The following AK3 variants were observed in gnomAD, a reference collection of about 807,000 sequenced individuals.
AK3 encodes GTP:AMP phosphotransferase AK3, mitochondrial.
In AK3, 27 loss-of-function variants were observed where a neutral mutation model predicts 23.7. The ratio of observed to expected loss-of-function variants is 1.14; its 90% CI spans 0.84 to 1.57. The LOEUF is 1.57. Ranked by LOEUF, AK3 falls within the 40% of genes most tolerant of loss-of-function variation. The probability of loss-of-function intolerance (pLI) is 0.00; values close to 1 mark genes in which losing one functional copy is unlikely to be tolerated. For missense variants in AK3, 406 were observed against 285.6 expected (o/e 1.42, Z -3.04); for synonymous variants, 159 against 116.0 (o/e 1.37, Z -2.38).
chr9:4,727,119 A>G (rs1422240709), intron 1 of AK3, among the ~76,000 whole-genome samples: 4 of 152,222 alleles, frequency 2.6e-5, no homozygotes, highest in Non-Finnish European at 4.4e-5. Flanking sequence ...TTCCATTTAC[A>G]GAGCACAGGC....
Position 4,711,584 on chromosome 9 carries a change from A to G in AK3, c.*1392T>C, listed in dbSNP as rs1413559819. 3.9e-5 allele frequency: 6 copies of G among 152,416 alleles called. No individual in the cohort carries two copies. The highest frequency in any genetic ancestry group is 8.8e-5 in the Non-Finnish European group (6 of 68,034). 9.4% of individuals were successfully genotyped at this position (152,416 alleles called of 1,614,324 possible). Reference sequence around the variant, plus strand: ...TTTAAGTACCTGGGAAAAAAACGGAACAGATTTTTAAAGGCAATAACGACT... The same window carrying G: ...TTTAAGTACCTGGGAAAAAAACGGAGCAGATTTTTAAAGGCAATAACGACT... On this transcript the variant is annotated 3_prime_UTR_variant, in exon 5 of 5. Coordinates refer to ENST00000381809, the MANE Select transcript of AK3 (RefSeq NM_016282.4).
chr9:4,719,792 G>A (rs117008697), intron 2 of AK3, among the ~76,000 whole-genome samples: 131 of 152,244 alleles, frequency 8.6e-4, no homozygotes, highest in Non-Finnish European at 1.4e-3. Flanking sequence ...CTGGCCGGGC[G>A]CAGTGGCTCA....
chr9:4,732,765 C>A (rs1180508460), intron 1 of AK3, among the ~76,000 whole-genome samples: 1 of 152,046 alleles, frequency 6.6e-6, no homozygotes, highest in Non-Finnish European at 1.5e-5. Context: ...CCAAATCAAC[C>A]ACACCTCATA....
intron 1 of AK3, among the ~76,000 whole-genome samples, chr9:4,726,884 C>T (rs1043966787): frequency 2.6e-5 from 4 of 151,992 alleles, no homozygotes; most frequent in Admixed American, 2.0e-4. Context: ...TGAAATTACT[C>T]CTTGATGCGT....
chr9:4,720,158 A>C (rs1231831960), intron 2 of AK3, among the ~76,000 whole-genome samples: 2 of 152,172 alleles, frequency 1.3e-5, no homozygotes, highest in African/African-American at 4.8e-5. Context: ...CAAAAGGATA[A>C]AACCCTAACA....
rs1841799762 is a variant in AK3 at position 4,718,522 on chromosome 9, T to G, written c.460A>C (p.Thr154Pro). Residue 154 changes from threonine to proline, a missense_variant, in exon 4 of 5, where the codon ACT becomes CCT. By Grantham distance (38) the Thr-to-Pro change is conservative. Transcript: ENST00000381809. ...PPKTVGIDDL[T>P]GEPLIQREDD... ...TCACGCTGAATGAGAGGCTCCCCAG[T>G]CAGGTCATCAATGCCCTAAACAGGA... The G allele has an allele frequency of 1.2e-6, 2 of 1,613,404 alleles. No homozygotes were observed. Among genetic ancestry groups the G allele is most frequent in the Non-Finnish European group, 1.7e-6 (2 of 1,179,460 alleles).
chr9:4,731,585 AAAG>A (rs1008296552), intron 1 of AK3, among the ~76,000 whole-genome samples: 1 of 151,738 alleles, frequency 6.6e-6, no homozygotes, highest in African/African-American at 2.4e-5. Context: ...AAAAAAAAAA[AAAG>A]ACTTAACTCC....
intron 1 of AK3, among the ~76,000 whole-genome samples, chr9:4,732,335 G>A (rs902312988): frequency 6.6e-6 from 1 of 152,124 alleles, no homozygotes; most frequent in African/African-American, 2.4e-5. Flanking sequence ...AAATATGTGT[G>A]AATCAATTGT....
chr9:4,725,438 T>G (rs1842001739), intron 1 of AK3, among the ~76,000 whole-genome samples: 1 of 152,130 alleles, frequency 6.6e-6, no homozygotes. Flanking sequence ...TTAGACTTCA[T>G]TAAAATTAAA....
intron 1 of AK3, among the ~76,000 whole-genome samples, chr9:4,728,676 A>G (rs990115761): frequency 6.6e-6 from 1 of 151,928 alleles, no homozygotes; most frequent in Admixed American, 6.6e-5. Context: ...TTTGTAAAAC[A>G]GTGTGGTAGT....
chr9:4,741,333 C>T (rs1456489368), upstream of AK3: 1 of 349,022 alleles, frequency 2.9e-6, no homozygotes. Context: ...CGCCTGTTCC[C>T]GCCCAGCCGC....
intron 2 of AK3, among the ~76,000 whole-genome samples, chr9:4,721,479 A>C (rs1354721712): frequency 6.7e-6 from 1 of 148,626 alleles, no homozygotes; most frequent in Non-Finnish European, 1.5e-5. Context: ...TTTTTTTCTG[A>C]GACAGAATCT....
rs1015156703 is a variant in AK3, at chr9:4,738,445, C to T, written c.151+2492G>A. Among the ~76,000 whole-genome samples, 4 of 152,142 alleles carry T rather than the reference C, an allele frequency of 2.6e-5. No individual in the cohort carries two copies. The South Asian group carries it at 6.2e-4, about 24-fold the overall frequency. On this transcript the variant is annotated intron_variant, in intron 1 of 4. Coordinates refer to ENST00000381809, the MANE Select transcript of AK3 (RefSeq NM_016282.4). ...CCTCCCAAAGTGCTAGGATTACAGG[C>T]GTGAGACACCCCGCCCAGCTTAAAC... is the stretch of plus-strand genomic sequence containing the variant.
intron 2 of AK3, among the ~76,000 whole-genome samples, chr9:4,720,544 G>C (rs1292196486): frequency 6.6e-6 from 1 of 151,928 alleles, no homozygotes; most frequent in African/African-American, 2.4e-5. Flanking sequence ...AACAAAATTA[G>C]CAGGGCGTGG....
chr9:4,713,165 C>A, intron 4 of AK3, 69 bp from the exon 5 acceptor site: 2 of 1,565,160 alleles, frequency 1.3e-6, no homozygotes, highest in Non-Finnish European at 1.7e-6. Flanking sequence ...CTTTCAAAGC[C>A]TTTCTGTAAA....
intron 4 of AK3, among the ~76,000 whole-genome samples, chr9:4,717,265 G>C (rs1841761523): frequency 6.6e-6 from 1 of 152,164 alleles, no homozygotes; most frequent in African/African-American, 2.4e-5. Context: ...ATAAATGAAA[G>C]GGGAGGCAGT....
chr9:4,715,520 C>T (rs573375531), intron 4 of AK3, among the ~76,000 whole-genome samples: 68 of 152,012 alleles, frequency 4.5e-4, no homozygotes, highest in African/African-American at 1.6e-3. Flanking sequence ...TCAGACTCCC[C>T]AGTAGCTGGG....
intron 1 of AK3, 81 bp downstream of exon 1, chr9:4,740,856 G>A (rs974130363): frequency 1.3e-4 from 177 of 1,353,934 alleles, no homozygotes; most frequent in Non-Finnish European, 1.6e-4. Flanking sequence ...CCAGGGACCC[G>A]CGTGCCCAGC....
At chr9:4,725,963 G>C (rs143710046) in intron 1 of AK3, among the ~76,000 whole-genome samples, 245 of 152,092 alleles carry the variant, frequency 1.6e-3, no homozygotes, top group African/African-American at 5.5e-3. Flanking sequence ...CCACAATAAA[G>C]TGAATATGTG....
Sources: gnomAD v4.1 joint callset for allele counts (sites outside exome capture counted in the v4.1 genomes callset) on GRCh38, gnomAD v4.1.1 for gene constraint, MANE v1.5 for transcripts, NCBI Gene and HGNC (gene_info 2026-07-23, HGNC 2026-07-21) for gene names.